The following GCKR variants were observed in gnomAD, a reference collection of about 807,000 sequenced individuals.
GCKR encodes glucokinase regulatory protein.
A neutral mutation model predicts 82.9 loss-of-function variants in GCKR; 73 were observed. That is an observed-to-expected ratio of 0.88 (90% CI 0.73 to 1.07). The LOEUF (loss-of-function observed/expected upper bound fraction) is 1.07. Among genes scored for constraint, GCKR ranks in the 50% least tolerant of loss-of-function variants. The probability of loss-of-function intolerance (pLI) is 0.00; values close to 1 mark genes in which losing one functional copy is unlikely to be tolerated. For missense variants in GCKR, 784 were observed against 782.1 expected, an observed-to-expected ratio of 1.00 and a Z score of -0.03; for synonymous variants, 294 against 291.8, an observed-to-expected ratio of 1.01 and a Z score of -0.08.
Position 27,501,151 on chromosome 2 carries a change from G to C in GCKR, c.566G>C (p.Gly189Ala), listed in dbSNP as rs1558434378. 6.2e-7 allele frequency: 1 copy of C among 1,613,232 alleles called. No homozygotes were observed. Among genetic ancestry groups the C allele is most frequent in the South Asian group, 1.1e-5 (1 of 91,070 alleles). Reference sequence around the variant, plus strand: ...CACCATCAGGCTCCCTTTGTGGCAGGCCAGATGGACTGCTGCATGAACAAC... The same window carrying C: ...CACCATCAGGCTCCCTTTGTGGCAGCCCAGATGGACTGCTGCATGAACAAC... Reference protein sequence around the residue: ...SVGLSAPFVAGQMDCCMNNTA... With the variant: ...SVGLSAPFVAAQMDCCMNNTA... The change falls in exon 8 of 19, where the codon GGC becomes GCC. Residue 189 changes from glycine (G) to alanine (A), a missense_variant. Transcript: ENST00000264717.
chr2:27,523,263 C>A lies in GCKR; in HGVS notation c.1708-6C>A, dbSNP rs771996087. On this transcript the variant is annotated splice_polypyrimidine_tract_variant and splice_region_variant and intron_variant, in intron 18 of 18. Coordinates refer to ENST00000264717, the MANE Select transcript of GCKR (RefSeq NM_001486.4). ...GGCTTCAGTGCCCACTGCCTCTTCCCCACAGGTGATACCCATCGCCTTGCT... is the reference window on the plus strand; with the variant it reads ...GGCTTCAGTGCCCACTGCCTCTTCCACACAGGTGATACCCATCGCCTTGCT... 1.2e-6 allele frequency: 2 copies of A among 1,611,376 alleles called. No homozygotes were observed. The highest frequency in any genetic ancestry group is 2.7e-5 in the African/African-American group (2 of 74,912).
Position 27,523,478 on chromosome 2 carries a change from C to T in GCKR, c.*39C>T. ...GGTGGGTGAAAGGGGCCCAACCCTGCCCACTTCAGCCCAGCCCGCCCAAGG... is the reference window on the plus strand; with the variant it reads ...GGTGGGTGAAAGGGGCCCAACCCTGTCCACTTCAGCCCAGCCCGCCCAAGG... On this transcript the variant is annotated 3_prime_UTR_variant, in exon 19 of 19. Coordinates refer to ENST00000264717, the MANE Select transcript of GCKR (RefSeq NM_001486.4). The T allele has an allele frequency of 1.3e-6, 2 of 1,584,718 alleles. No homozygotes were observed. The highest frequency in any genetic ancestry group is 1.7e-6 in the Non-Finnish European group (2 of 1,166,188).
At chr2:27,500,172 C>T (rs570067936) in intron 7 of GCKR, among the ~76,000 whole-genome samples, 2 of 150,068 alleles carry the variant, frequency 1.3e-5, no homozygotes, top group African/African-American at 4.9e-5. Flanking sequence ...CTAACTGCAG[C>T]CTCCTCCTCC....
chr2:27,512,816 GT>G (rs1168811054), intron 16 of GCKR, among the ~76,000 whole-genome samples: 1 of 152,138 alleles, frequency 6.6e-6, no homozygotes, highest in Non-Finnish European at 1.5e-5. Context: ...CTCCAGATGA[GT>G]TTCTCAGTTG....
chr2:27,506,786 A>G lies in GCKR; in HGVS notation c.969-2A>G. On this transcript the variant is annotated splice_acceptor_variant, in intron 11 of 18. Transcript: ENST00000264717. LOFTEE classifies it high-confidence loss of function. ...ATGTCCTGACCTCTGACCCATTCTC[A>G]GTCTGGAGAAGAAAGGCCACGTGTA... The G allele has an allele frequency of 6.3e-7, 1 of 1,594,504 alleles. No homozygotes were observed. The highest frequency in any genetic ancestry group is 8.6e-7 in the Non-Finnish European group (1 of 1,162,148).
rs1255255553 is a variant in GCKR, at chr2:27,501,708, G to A, written c.644+479G>A. 1.9e-5 allele frequency: 9 copies of A among 471,174 alleles called. No individual in the cohort carries two copies. The East Asian group carries it at 4.2e-4, about 22-fold the overall frequency. The allele number at this position is 471,174 out of a possible 1,614,324, so 29.2% of individuals were successfully genotyped here. On this transcript the variant is annotated intron_variant, in intron 8 of 18. Transcript: ENST00000264717. ...ATTCCAGGCACCCCTTTCCTCCCCC[G>A]AGGATCCTCAGATCTCTCACTGTCT... is the stretch of plus-strand genomic sequence containing the variant.
intron 16 of GCKR, among the ~76,000 whole-genome samples, chr2:27,513,868 A>G (rs1669942969): frequency 6.6e-6 from 1 of 151,126 alleles, no homozygotes; most frequent in Non-Finnish European, 1.5e-5. Flanking sequence ...ACTGCAGTGC[A>G]GTTTATAGAT....
In GCKR at chr2:27,506,791, G is replaced by A; in HGVS notation, c.972G>A (p.Leu324=). 4 of 1,605,298 alleles carry A rather than the reference G, an allele frequency of 2.5e-6. No homozygotes were observed. The highest frequency in any genetic ancestry group is 3.4e-6 in the Non-Finnish European group (4 of 1,171,938). The change falls in exon 12 of 19, where the codon CTG becomes CTA. Residue 324 remains leucine, a synonymous_variant. Coordinates refer to ENST00000264717, the MANE Select transcript of GCKR (RefSeq NM_001486.4). ...CTGACCTCTGACCCATTCTCAGTCT[G>A]GAGAAGAAAGGCCACGTGTACCTGG... ...ATLMKSVSTS[L]EKKGHVYLVG...
intron 11 of GCKR, 44 bp from the exon 12 acceptor site, chr2:27,506,742 CTT>C: frequency 2.3e-6 from 3 of 1,300,082 alleles, no homozygotes; most frequent in Non-Finnish European, 3.4e-6. Context: ...TCTCTGGCCT[CTT>C]TGCACGGTGA....
At chr2:27,503,942 C>G (rs571966272) in intron 9 of GCKR, among the ~76,000 whole-genome samples, 1 of 152,348 alleles carries the variant, frequency 6.6e-6, no homozygotes, top group East Asian at 1.9e-4. Context: ...TTCAGTCTGT[C>G]TCTCTCACAT....
intron 3 of GCKR, 119 bp downstream of exon 3, chr2:27,497,749 C>T (rs1669452774): frequency 5.7e-6 from 4 of 705,636 alleles, no homozygotes; most frequent in Admixed American, 2.1e-5. Context: ...GGAGATCCTC[C>T]CTTTTGGATC....
intron 16 of GCKR, among the ~76,000 whole-genome samples, chr2:27,510,104 G>T (rs1414700922): frequency 1.3e-5 from 2 of 151,792 alleles, no homozygotes; most frequent in African/African-American, 4.8e-5. Context: ...TGTCTCCCAG[G>T]TTCACGCCAT....
chr2:27,508,765 G>A (rs1283318280), intron 16 of GCKR, among the ~76,000 whole-genome samples: 5 of 151,966 alleles, frequency 3.3e-5, no homozygotes, highest in Non-Finnish European at 7.4e-5. Flanking sequence ...TGCCTGCCTC[G>A]ACCTCCCAAA....
At chr2:27,506,138 C>A (rs1450505385) in intron 10 of GCKR, among the ~76,000 whole-genome samples, 1 of 152,106 alleles carries the variant, frequency 6.6e-6, no homozygotes, top group Non-Finnish European at 1.5e-5. Context: ...TGGTCCAGGC[C>A]ATGCAGGTAG....
At chr2:27,507,597 C>A in intron 13 of GCKR, 84 bp from the exon 14 acceptor site, 1 of 803,072 alleles carries the variant, frequency 1.2e-6, no homozygotes, top group Non-Finnish European at 2.2e-6. Context: ...AGTGTTAGAT[C>A]TCCTCCACGG....
At chr2:27,513,591 ATCTT>A (rs984747033) in intron 16 of GCKR, among the ~76,000 whole-genome samples, 1 of 150,466 alleles carries the variant, frequency 6.6e-6, no homozygotes, top group African/African-American at 2.4e-5. Flanking sequence ...TACCCTATCT[ATCTT>A]TGTTTTTTTA....
intron 18 of GCKR, among the ~76,000 whole-genome samples, chr2:27,522,827 A>G (rs1406069151): frequency 1.3e-5 from 2 of 151,628 alleles, no homozygotes; most frequent in East Asian, 1.9e-4. Context: ...AATCTTAATA[A>G]CATCCTATTT....
intron 12 of GCKR, 67 bp from the exon 13 acceptor site, chr2:27,507,168 T>G (rs1669769077): frequency 1.8e-6 from 2 of 1,122,980 alleles, no homozygotes; most frequent in East Asian, 4.7e-5. Context: ...TTTCTCCCCC[T>G]GAAGCCTAGA....
chr2:27,516,227 A>G (rs1670001420), intron 16 of GCKR, among the ~76,000 whole-genome samples: 1 of 147,424 alleles, frequency 6.8e-6, no homozygotes, highest in South Asian at 2.1e-4. Context: ...CATATGTTTT[A>G]ATTATGGAGG....
Sources: gnomAD v4.1 joint callset for allele counts (sites outside exome capture counted in the v4.1 genomes callset) on GRCh38, gnomAD v4.1.1 for gene constraint, MANE v1.5 for transcripts, NCBI Gene and HGNC (gene_info 2026-07-23, HGNC 2026-07-21) for gene names.